The following GPALPP1 variants were observed in gnomAD, a reference collection of about 807,000 sequenced individuals.
GPALPP1 encodes the protein GPALPP motifs containing 1, also known as GPALPP motifs-containing protein 1.
In GPALPP1, 30 loss-of-function variants were observed where a neutral mutation model predicts 38.9. That is an observed-to-expected ratio of 0.77 (90% confidence interval 0.58 to 1.05). GPALPP1 has a LOEUF of 1.05. Ranked by LOEUF, GPALPP1 falls within the 50% of genes least tolerant of loss-of-function variation. The pLI, the probability that GPALPP1 is intolerant of heterozygous loss-of-function variation, is 0.00. For synonymous variants in GPALPP1, 120 were observed against 139.2 expected, an observed-to-expected ratio of 0.86 and a Z score of 0.97; for missense variants, 384 against 408.8, an observed-to-expected ratio of 0.94 and a Z score of 0.52.
At chr13:45,010,835 A>C (rs1197275297) in intron 4 of GPALPP1, among the ~76,000 whole-genome samples, 4 of 152,154 alleles carry the variant, frequency 2.6e-5, no homozygotes, top group African/African-American at 9.7e-5. Flanking sequence ...AATACAAAAA[A>C]ATAGCTAGGC....
intron 1 of GPALPP1, among the ~76,000 whole-genome samples, chr13:44,996,800 TTTTTTTTTTC>T (rs1304704019): frequency 2.7e-5 from 4 of 146,578 alleles, no homozygotes; most frequent in Non-Finnish European, 4.5e-5. Context: ...TTTTTTTTTT[TTTTTTTTTTC>T]CAGTTTTTAA....
chr13:45,037,078 G>C (rs1876416743), exon 8 of GPALPP1: 1 of 152,210 alleles, frequency 6.6e-6, no homozygotes, highest in African/African-American at 2.4e-5. Flanking sequence ...CAAGAATATT[G>C]AAAAGTATTT....
intron 6 of GPALPP1, among the ~76,000 whole-genome samples, chr13:45,019,127 CTATGTATATATTTATATA>C (rs1420900530): frequency 1.6e-5 from 2 of 127,832 alleles, no homozygotes; most frequent in African/African-American, 6.4e-5. Flanking sequence ...ATATATATTT[CTATGTATATATTTATATA>C]TATGTATATA....
rs575737114 is a variant in GPALPP1 at position 45,025,951 on chromosome 13, G to A, written c.805-1834G>A. Among the ~76,000 whole-genome samples the A allele has an allele frequency of 8.5e-5, 13 of 152,066 alleles. 1 individual carries two copies. The South Asian group carries it at 1.5e-3, about 17-fold the overall frequency. Reference sequence around the variant, plus strand: ...ATGCCTGGCTAATTTTGTATTTTTAGTAGAGACGGGGTTTCTCCATGTTGG... The same window carrying A: ...ATGCCTGGCTAATTTTGTATTTTTAATAGAGACGGGGTTTCTCCATGTTGG... On this transcript the variant is annotated intron_variant, in intron 7 of 7. Transcript: ENST00000379151.
chr13:45,020,982 C>A (rs1202805878), intron 7 of GPALPP1, among the ~76,000 whole-genome samples: 2 of 152,070 alleles, frequency 1.3e-5, no homozygotes, highest in Non-Finnish European at 2.9e-5. Flanking sequence ...ACATTATAAA[C>A]AGATTTGGAA....
chr13:45,014,254 A>G (rs1001098383), intron 4 of GPALPP1, among the ~76,000 whole-genome samples: 2 of 152,160 alleles, frequency 1.3e-5, no homozygotes, highest in Non-Finnish European at 2.9e-5. Flanking sequence ...ATTTTGCATC[A>G]CCAAATATTT....
At chr13:44,989,869 G>T (rs943336482) in intron 1 of GPALPP1, 127 bp downstream of exon 1, 2 of 669,974 alleles carry the variant, frequency 3.0e-6, no homozygotes, top group Admixed American at 5.6e-5. Context: ...CCTGACCCGA[G>T]AGAACTTTTC....
intron 1 of GPALPP1, among the ~76,000 whole-genome samples, chr13:44,994,706 C>T (rs1426098755): frequency 6.6e-6 from 1 of 152,076 alleles, no homozygotes; most frequent in Non-Finnish European, 1.5e-5. Context: ...ACACAGTTTT[C>T]CAAAATACAT....
chr13:45,012,225 G>A (rs1034026606), intron 4 of GPALPP1, among the ~76,000 whole-genome samples: 22 of 152,140 alleles, frequency 1.4e-4, no homozygotes, highest in African/African-American at 5.3e-4. Flanking sequence ...AGGAGGACAA[G>A]GGGACTAGAG....
Position 45,020,445 on chromosome 13 carries a change from G to A in GPALPP1, c.804+17G>A, listed in dbSNP as rs763606413. 5 of 996,950 alleles carry A rather than the reference G, an allele frequency of 5.0e-6. No individual in the cohort carries two copies. The highest frequency in any genetic ancestry group is 2.4e-5 in the East Asian group (1 of 41,508). 61.8% of individuals were successfully genotyped at this position (996,950 alleles called of 1,614,324 possible). A position where few individuals can be genotyped will look rare whatever the true frequency, so the allele number is the denominator to read the frequency against. On this transcript the variant is annotated intron_variant, in intron 7 of 7. Coordinates refer to ENST00000379151, the MANE Select transcript of GPALPP1 (RefSeq NM_018559.5). ...TCATACAATGTAAGTAAGAAAATAA[G>A]ATATATAGAGCCAGGTGTGATGGCT...
At chr13:45,012,079 G>A (rs1350365931) in intron 4 of GPALPP1, among the ~76,000 whole-genome samples, 2 of 152,188 alleles carry the variant, frequency 1.3e-5, no homozygotes, top group Non-Finnish European at 2.9e-5. Flanking sequence ...GACTACAGTC[G>A]TTTTAGAGAA....
intron 4 of GPALPP1, among the ~76,000 whole-genome samples, chr13:45,012,538 GGAGTA>G: frequency 6.6e-6 from 1 of 152,224 alleles, no homozygotes; most frequent in Non-Finnish European, 1.5e-5. Flanking sequence ...AATTTTCAAA[GGAGTA>G]GCACAATTCA....
chr13:45,021,831 C>T (rs1055698429), intron 7 of GPALPP1, among the ~76,000 whole-genome samples: 11 of 152,090 alleles, frequency 7.2e-5, no homozygotes, highest in African/African-American at 2.7e-4. Flanking sequence ...TAAGAAAAGA[C>T]CAATGGCTAA....
At chr13:45,022,871 C>T (rs1404551644) in intron 7 of GPALPP1, among the ~76,000 whole-genome samples, 1 of 151,978 alleles carries the variant, frequency 6.6e-6, no homozygotes, top group African/African-American at 2.4e-5. Context: ...CCCATCTCTA[C>T]CAAAATAAAA....
chr13:44,995,200 A>ACACACACACACACACACT, intron 1 of GPALPP1, among the ~76,000 whole-genome samples: 1 of 34,894 alleles, frequency 2.9e-5, no homozygotes, highest in Non-Finnish European at 1.2e-4. Context: ...ACACACACAC[A>ACACACACACACACACACT]CACCCCTTCT....
intron 7 of GPALPP1, among the ~76,000 whole-genome samples, chr13:45,022,112 C>G (rs953525969): frequency 2.0e-5 from 3 of 152,110 alleles, no homozygotes; most frequent in Admixed American, 1.3e-4. Context: ...AAACTACTCA[C>G]CAATAAAAAG....
Position 45,020,446 on chromosome 13 carries a change from A to C in GPALPP1, c.804+18A>C, listed in dbSNP as rs115283713. On this transcript the variant is annotated intron_variant, in intron 7 of 7. Transcript: ENST00000379151. Reference sequence around the variant, plus strand: ...CATACAATGTAAGTAAGAAAATAAGATATATAGAGCCAGGTGTGATGGCTC... The same window carrying C: ...CATACAATGTAAGTAAGAAAATAAGCTATATAGAGCCAGGTGTGATGGCTC... 1.0e-6 allele frequency: 1 copy of C among 996,852 alleles called. No homozygotes were observed. The highest frequency in any genetic ancestry group is 1.6e-6 in the Non-Finnish European group (1 of 620,448). The allele number at this position is 996,852 out of a possible 1,614,324, so 61.8% of individuals were successfully genotyped here. A position where few individuals can be genotyped will look rare whatever the true frequency, so the allele number is the denominator to read the frequency against.
At chr13:45,006,100 T>G in intron 2 of GPALPP1, 102 bp from the exon 3 acceptor site, 1 of 650,352 alleles carries the variant, frequency 1.5e-6, no homozygotes, top group Admixed American at 2.6e-5. Context: ...TGTTGCAGTG[T>G]TTATACAACT....
intron 6 of GPALPP1, among the ~76,000 whole-genome samples, chr13:45,016,982 G>A (rs1219386633): frequency 6.6e-6 from 1 of 152,158 alleles, no homozygotes; most frequent in Non-Finnish European, 1.5e-5. Context: ...ATTCTCAAAT[G>A]CTTGACTAAT....
Sources: gnomAD v4.1 joint callset for allele counts (sites outside exome capture counted in the v4.1 genomes callset) on GRCh38, gnomAD v4.1.1 for gene constraint, MANE v1.5 for transcripts, NCBI Gene and HGNC (gene_info 2026-07-23, HGNC 2026-07-21) for gene names.